The following CDH10 variants were observed in gnomAD, a reference collection of about 807,000 sequenced individuals.
The protein encoded by CDH10 is cadherin 10.
A neutral mutation model predicts 73.1 loss-of-function variants in CDH10; 30 were observed. The observed-to-expected ratio is 0.41, with a 90% confidence interval of 0.31 to 0.56. The LOEUF is 0.56. CDH10 is among the 20% of genes least tolerant of loss of function. The probability of loss-of-function intolerance (pLI) is 0.27; values close to 1 mark genes in which losing one functional copy is unlikely to be tolerated. For synonymous variants in CDH10, 345 were observed against 348.2 expected, an observed-to-expected ratio of 0.99 and a Z score of 0.10; for missense variants, 815 against 973.7, an observed-to-expected ratio of 0.84 and a Z score of 2.17.
chr5:24,565,516 G>A (rs1745135327), intron 2 of CDH10, among the ~76,000 whole-genome samples: 1 of 152,094 alleles, frequency 6.6e-6, no homozygotes, highest in Admixed American at 6.6e-5. Flanking sequence ...TCAATGGAAA[G>A]ATATAACATC....
chr5:24,511,630 C>A, intron 5 of CDH10, 116 bp from the exon 6 acceptor site: 1 of 609,930 alleles, frequency 1.6e-6, no homozygotes, highest in East Asian at 2.7e-5. Flanking sequence ...ACATGTAAGA[C>A]GCAATATAAT....
intron 5 of CDH10, among the ~76,000 whole-genome samples, chr5:24,520,389 T>A (rs1348783824): frequency 6.6e-6 from 1 of 152,200 alleles, no homozygotes; most frequent in Non-Finnish European, 1.5e-5. Context: ...TGATGTACAG[T>A]GTGATACTAT....
intron 2 of CDH10, among the ~76,000 whole-genome samples, chr5:24,556,460 A>C (rs1454927917): frequency 2.6e-5 from 4 of 151,940 alleles, no homozygotes; most frequent in Non-Finnish European, 5.9e-5. Context: ...AGATTGTGTT[A>C]ATTTATATAT....
chr5:24,565,806 C>G (rs975998643), intron 2 of CDH10, among the ~76,000 whole-genome samples: 1 of 151,894 alleles, frequency 6.6e-6, no homozygotes, highest in African/African-American at 2.4e-5. Context: ...TTGGAAAGGA[C>G]ATGGGAGGAC....
intron 2 of CDH10, among the ~76,000 whole-genome samples, chr5:24,550,392 T>G (rs560037203): frequency 6.6e-6 from 1 of 151,840 alleles, no homozygotes; most frequent in Non-Finnish European, 1.5e-5. Context: ...TAAAAAAAAA[T>G]GATGTATTCC....
At chr5:24,603,779 A>G (rs1177878401) in intron 1 of CDH10, among the ~76,000 whole-genome samples, 1 of 152,122 alleles carries the variant, frequency 6.6e-6, no homozygotes, top group Non-Finnish European at 1.5e-5. Flanking sequence ...TAAGATACCT[A>G]CTTTTACCAC....
chr5:24,520,164 T>A (rs1743260323), intron 5 of CDH10, among the ~76,000 whole-genome samples: 1 of 152,196 alleles, frequency 6.6e-6, no homozygotes, highest in African/African-American at 2.4e-5. Context: ...TTGACATATA[T>A]GTAGACATAG....
intron 2 of CDH10, among the ~76,000 whole-genome samples, chr5:24,583,656 G>GT (rs1745879482): frequency 1.3e-5 from 2 of 151,920 alleles, no homozygotes; most frequent in Admixed American, 6.6e-5. Context: ...TTGTTTGTTT[G>GT]TTTTTTTGAG....
At chr5:24,493,219 GC>G (rs1742129410) in intron 9 of CDH10, among the ~76,000 whole-genome samples, 1 of 151,764 alleles carries the variant, frequency 6.6e-6, no homozygotes, top group African/African-American at 2.4e-5. Flanking sequence ...TATTTTATAT[GC>G]ATTTACACAT....
intron 1 of CDH10, among the ~76,000 whole-genome samples, chr5:24,643,068 C>T (rs1748107798): frequency 6.6e-6 from 1 of 151,986 alleles, no homozygotes; most frequent in African/African-American, 2.4e-5. Context: ...CAGATCCACG[C>T]TGTTTACACC....
chr5:24,590,388 T>C (rs1411979269), intron 2 of CDH10, among the ~76,000 whole-genome samples: 1 of 151,440 alleles, frequency 6.6e-6, no homozygotes, highest in Admixed American at 6.6e-5. Context: ...AGTATCTATA[T>C]ATAGTATATA....
intron 1 of CDH10, among the ~76,000 whole-genome samples, chr5:24,634,990 A>T (rs558230524): frequency 8.5e-6 from 1 of 117,130 alleles, no homozygotes; most frequent in East Asian, 2.4e-4. Context: ...TAACATATAA[A>T]TAGAGCCAAA....
intron 2 of CDH10, among the ~76,000 whole-genome samples, chr5:24,571,213 A>C (rs961986043): frequency 6.6e-6 from 1 of 152,146 alleles, no homozygotes; most frequent in East Asian, 1.9e-4. Context: ...AATAATTCAT[A>C]TGCTTCAGTG....
intron 1 of CDH10, among the ~76,000 whole-genome samples, chr5:24,623,750 T>A (rs999309479): frequency 6.6e-6 from 1 of 152,180 alleles, no homozygotes; most frequent in Non-Finnish European, 1.5e-5. Flanking sequence ...CAGTGCTGAA[T>A]TCCAAATGCA....
intron 2 of CDH10, among the ~76,000 whole-genome samples, chr5:24,584,678 C>T (rs1745925287): frequency 6.6e-6 from 1 of 151,282 alleles, no homozygotes; most frequent in African/African-American, 2.4e-5. Flanking sequence ...ACCATGTTGG[C>T]CAGGCTGGTC....
intron 2 of CDH10, among the ~76,000 whole-genome samples, chr5:24,556,825 T>C (rs1336174311): frequency 1.3e-5 from 2 of 151,846 alleles, no homozygotes; most frequent in Non-Finnish European, 2.9e-5. Context: ...ATAAAGTTAA[T>C]TGAGCATAAT....
At chr5:24,530,238 C>T (rs1468517088) in intron 5 of CDH10, among the ~76,000 whole-genome samples, 1 of 151,574 alleles carries the variant, frequency 6.6e-6, no homozygotes, top group East Asian at 1.9e-4. Context: ...GGCCTCAGTA[C>T]ATTAGATGTC....
At chr5:24,547,441 G>A (rs1744384642) in intron 2 of CDH10, among the ~76,000 whole-genome samples, 1 of 152,122 alleles carries the variant, frequency 6.6e-6, no homozygotes, top group African/African-American at 2.4e-5. Context: ...CTTGGCCAGG[G>A]GCTTGAAGGT....
At chr5:24,553,839 T>C (rs774783338) in intron 2 of CDH10, among the ~76,000 whole-genome samples, 28 of 151,846 alleles carry the variant, frequency 1.8e-4, no homozygotes, top group Non-Finnish European at 3.4e-4. Flanking sequence ...TACTGCATCA[T>C]TTTTGAGGTT....
Sources: gnomAD v4.1 joint callset for allele counts (sites outside exome capture counted in the v4.1 genomes callset) on GRCh38, gnomAD v4.1.1 for gene constraint, MANE v1.5 for transcripts, NCBI Gene and HGNC (gene_info 2026-07-23, HGNC 2026-07-21) for gene names.